CNBD1: variants seen among roughly 807,000 people sequenced by gnomAD.
The protein encoded by CNBD1 is cyclic nucleotide binding domain containing 1.
In CNBD1, 71 loss-of-function variants were observed where a neutral mutation model predicts 54.4. The observed-to-expected ratio is 1.30, with a 90% CI of 1.08 to 1.59. CNBD1 has a LOEUF of 1.59. Ranked by LOEUF, CNBD1 falls within the 40% of genes most tolerant of loss-of-function variation. The pLI is 0.00. For synonymous variants in CNBD1, 182 were observed against 170.7 expected (o/e 1.07, Z -0.51); for missense variants, 659 against 518.0 (o/e 1.27, Z -2.64).
intron 3 of CNBD1, among the ~76,000 whole-genome samples, chr8:86,920,008 G>T: frequency 1.3e-5 from 2 of 151,212 alleles, no homozygotes; most frequent in African/African-American, 2.4e-5. Context: ...CTTTCAGAAT[G>T]TGAAAAAAAA....
chr8:86,887,405 CAA>C (rs1808696544), intron 1 of CNBD1, 135 bp from the exon 2 acceptor site: 2 of 581,532 alleles, frequency 3.4e-6, no homozygotes, highest in Non-Finnish European at 6.1e-6. Flanking sequence ...GTGTATTAAA[CAA>C]AGACTGTTAA....
At chr8:87,026,345 C>T (rs1809645530) in intron 4 of CNBD1, among the ~76,000 whole-genome samples, 1 of 151,502 alleles carries the variant, frequency 6.6e-6, no homozygotes, top group South Asian at 2.1e-4. Flanking sequence ...TGCTTCCTTC[C>T]CTTCTCCCTC....
chr8:87,389,508 C>A (rs1811264363), intron 2 of CNBD1, among the ~76,000 whole-genome samples: 1 of 152,054 alleles, frequency 6.6e-6, no homozygotes. Flanking sequence ...ACAATTGCTT[C>A]AAAGAGAATA....
chr8:87,293,316 G>C (rs980511398), intron 8 of CNBD1, among the ~76,000 whole-genome samples: 2 of 152,072 alleles, frequency 1.3e-5, no homozygotes, highest in African/African-American at 4.8e-5. Context: ...GGCTGAGGTG[G>C]GCTGACCACC....
At chr8:86,964,487 A>T (rs1383041960) in intron 4 of CNBD1, among the ~76,000 whole-genome samples, 1 of 152,224 alleles carries the variant, frequency 6.6e-6, no homozygotes, top group Non-Finnish European at 1.5e-5. Context: ...AAGTAACATG[A>T]CATCCTTCCA....
intron 4 of CNBD1, among the ~76,000 whole-genome samples, chr8:87,195,199 G>C (rs1162266731): frequency 1.4e-5 from 2 of 145,882 alleles, no homozygotes; most frequent in Non-Finnish European, 3.0e-5. Context: ...GTATTTTTTA[G>C]TGTTTTAATT....
rs530088467 is a variant in CNBD1, at chr8:87,103,541, G to A, written c.432-102452G>A. Among the ~76,000 whole-genome samples, 8 of 152,300 alleles carry A rather than the reference G, an allele frequency of 5.3e-5. No homozygotes were observed. In the South Asian group the frequency reaches 8.3e-4, roughly 16 times the overall value. On this transcript the variant is annotated intron_variant, in intron 4 of 10. Transcript: ENST00000518476. ...GAGGCCTCAGAAAACTTACAGTCAC[G>A]GCAGAAGGGGAAGCAAATATGTCCT...
rs1812998354 is a variant in CNBD1 at position 87,167,867 on chromosome 8, G to T, written c.432-38126G>T. ...GTGCCATTTTATTGGCATTATTATTGTGCCAATGTCATAGGGTATACTTTA... is the reference window on the plus strand; with the variant it reads ...GTGCCATTTTATTGGCATTATTATTTTGCCAATGTCATAGGGTATACTTTA... On this transcript the variant is annotated intron_variant, in intron 4 of 10. Transcript: ENST00000518476. Among the ~76,000 whole-genome samples, 3 of 151,864 alleles carry T rather than the reference G, an allele frequency of 2.0e-5. No homozygotes were observed. In the South Asian group the frequency reaches 6.2e-4, roughly 32 times the overall value.
intron 1 of CNBD1, among the ~76,000 whole-genome samples, chr8:86,886,202 T>C (rs1808678392): frequency 6.6e-6 from 1 of 152,170 alleles, no homozygotes; most frequent in Admixed American, 6.5e-5. Context: ...AGTTCCTTCC[T>C]AATCTATGTA....
intron 8 of CNBD1, among the ~76,000 whole-genome samples, chr8:87,312,603 A>AACCG (rs1348568220): frequency 6.6e-6 from 1 of 152,064 alleles, no homozygotes; most frequent in East Asian, 1.9e-4. Context: ...TTCCTATTTT[A>AACCG]ACTTTTTTGC....
intron 2 of CNBD1, among the ~76,000 whole-genome samples, chr8:86,896,624 TCTA>T (rs1448737570): frequency 3.3e-5 from 5 of 152,202 alleles, no homozygotes; most frequent in African/African-American, 1.2e-4. Flanking sequence ...TGTATAAAAA[TCTA>T]CTAATTTTTT....
At chr8:87,346,067 G>A (rs1301239843) in intron 8 of CNBD1, among the ~76,000 whole-genome samples, 1 of 151,666 alleles carries the variant, frequency 6.6e-6, no homozygotes, top group East Asian at 1.9e-4. Context: ...GGGGGACAGA[G>A]TTTCACTCTT....
chr8:87,261,193 G>A (rs575241825), intron 6 of CNBD1, among the ~76,000 whole-genome samples: 24 of 152,164 alleles, frequency 1.6e-4, no homozygotes, highest in African/African-American at 5.5e-4. Context: ...GATGAGAAAT[G>A]TGCTCAAAGA....
At chr8:87,083,585 C>CT (rs752855766) in intron 4 of CNBD1, among the ~76,000 whole-genome samples, 3,298 of 117,136 alleles carry the variant, frequency 0.028, 159 homozygotes, top group African/African-American at 0.081. Flanking sequence ...CAATGTATTT[C>CT]TTTTTTTTTT....
intron 6 of CNBD1, among the ~76,000 whole-genome samples, chr8:87,251,204 C>T (rs2130839303): frequency 6.6e-6 from 1 of 152,000 alleles, no homozygotes; most frequent in African/African-American, 2.4e-5. Flanking sequence ...TTTCAGAGCC[C>T]TAGTTTTTGT....
intron 5 of CNBD1, among the ~76,000 whole-genome samples, chr8:87,212,288 T>C (rs906947094): frequency 6.6e-6 from 1 of 152,158 alleles, no homozygotes; most frequent in African/African-American, 2.4e-5. Flanking sequence ...ACTATTTATA[T>C]TGATCTACAG....
At chr8:87,111,417 A>G (rs975986504) in intron 4 of CNBD1, among the ~76,000 whole-genome samples, 3 of 152,208 alleles carry the variant, frequency 2.0e-5, no homozygotes, top group African/African-American at 7.2e-5. Context: ...CCTGTATCCT[A>G]TCCACAACCT....
chr8:87,251,511 C>A (rs1401829290), intron 6 of CNBD1, among the ~76,000 whole-genome samples: 2 of 151,382 alleles, frequency 1.3e-5, no homozygotes, highest in Non-Finnish European at 2.9e-5. Context: ...TCACTTGAAC[C>A]CGGGAGGCAG....
intron 4 of CNBD1, among the ~76,000 whole-genome samples, chr8:87,153,637 G>C (rs1274378323): frequency 6.6e-6 from 1 of 152,196 alleles, no homozygotes; most frequent in Non-Finnish European, 1.5e-5. Context: ...GCCTGTATGA[G>C]AAATATAACT....
Sources: allele counts gnomAD v4.1 joint callset (sites outside exome capture counted in the v4.1 genomes callset), GRCh38; gene constraint gnomAD v4.1.1; transcripts MANE v1.5; gene names NCBI Gene and HGNC (gene_info 2026-07-23, HGNC 2026-07-21).